FOXP2: variants seen among roughly 807,000 people sequenced by gnomAD.
FOXP2 encodes the protein forkhead box P2, also known as forkhead box protein P2.
A neutral mutation model predicts 115.8 loss-of-function variants in FOXP2; 12 were observed. The observed-to-expected ratio is 0.10, with a 90% CI of 0.07 to 0.17. The LOEUF is 0.17. Among genes scored for constraint, FOXP2 ranks in the 10% least tolerant of loss-of-function variants. The probability of loss-of-function intolerance (pLI) is 1.00; values close to 1 mark genes in which losing one functional copy is unlikely to be tolerated. For synonymous variants in FOXP2, 328 were observed against 297.7 expected (o/e 1.10, Z -1.05); for missense variants, 629 against 843.5 (o/e 0.75, Z 3.15).
chr7:114,631,782 C>T (rs1804937952), intron 6 of FOXP2, 77 bp downstream of exon 6: 5 of 1,494,218 alleles, frequency 3.3e-6, no homozygotes, highest in Non-Finnish European at 4.6e-6. Context: ...TGCCTTATAC[C>T]TTGAGAAATT....
chr7:114,361,943 CT>C (rs1304208633), intron 2 of FOXP2, among the ~76,000 whole-genome samples: 1 of 151,874 alleles, frequency 6.6e-6, no homozygotes, highest in Non-Finnish European at 1.5e-5. Flanking sequence ...CAAAGATTCG[CT>C]ATAGGAACAA....
At chr7:114,644,393 A>G (rs1358698140) in intron 7 of FOXP2, among the ~76,000 whole-genome samples, 1 of 152,206 alleles carries the variant, frequency 6.6e-6, no homozygotes, top group Non-Finnish European at 1.5e-5. Flanking sequence ...ATTTAGAGAT[A>G]AAATGTTACA....
intron 8 of FOXP2, among the ~76,000 whole-genome samples, chr7:114,651,116 G>A (rs1362822204): frequency 6.6e-6 from 1 of 151,878 alleles, no homozygotes; most frequent in African/African-American, 2.4e-5. Flanking sequence ...TATATTTGTT[G>A]AATTCAGTAT....
intron 2 of FOXP2, among the ~76,000 whole-genome samples, chr7:114,394,503 C>T (rs879061296): frequency 4.6e-5 from 7 of 151,584 alleles, no homozygotes; most frequent in African/African-American, 1.7e-4. Context: ...AAATAACTCC[C>T]AACAAAATGT....
At chr7:114,088,672 T>C (rs1162672939) in intron 1 of FOXP2, among the ~76,000 whole-genome samples, 2 of 152,258 alleles carry the variant, frequency 1.3e-5, no homozygotes, top group African/African-American at 4.8e-5. Flanking sequence ...GTTATTTTCA[T>C]CTTCAAGTTT....
At chr7:114,255,753 G>A (rs1196707097) in intron 1 of FOXP2, among the ~76,000 whole-genome samples, 1 of 152,100 alleles carries the variant, frequency 6.6e-6, no homozygotes, top group African/African-American at 2.4e-5. Context: ...GTGAGGCAAT[G>A]CCTCACCCTG....
In FOXP2 at chr7:114,628,660, G is replaced by T; in HGVS notation, c.379G>T (p.Ala127Ser). 19 of 1,614,008 alleles carry T rather than the reference G, an allele frequency of 1.2e-5. No individual in the cohort carries two copies. Among genetic ancestry groups the T allele is most frequent in the Non-Finnish European group, 1.4e-5 (17 of 1,179,972 alleles). ...ACAAGCCCTTCTCCAACAACAGCAG[G>T]CTGTCATGCTGCAGCAGGTAATGTG... ...QLQALLQQQQ[A>S]VMLQQQQLQE... Residue 127 changes from alanine (A) to serine (S), a missense_variant, in exon 4 of 17, where the codon GCT becomes TCT. By Grantham distance (99) the Ala-to-Ser change is moderately conservative. Transcript: ENST00000350908.
At chr7:114,286,813 A>G (rs1366567365) in intron 1 of FOXP2, among the ~76,000 whole-genome samples, 1 of 152,068 alleles carries the variant, frequency 6.6e-6, no homozygotes, top group Non-Finnish European at 1.5e-5. Context: ...GTACCCAAGG[A>G]AAGGAGTAAT....
At chr7:114,178,933 A>G (rs565528642) in intron 1 of FOXP2, among the ~76,000 whole-genome samples, 2 of 151,988 alleles carry the variant, frequency 1.3e-5, no homozygotes, top group East Asian at 3.9e-4. Flanking sequence ...TCTCCTCTCC[A>G]TAAACAAATG....
At chr7:114,251,093 G>C (rs907941182) in intron 1 of FOXP2, among the ~76,000 whole-genome samples, 6 of 152,294 alleles carry the variant, frequency 3.9e-5, no homozygotes, top group Admixed American at 1.3e-4. Context: ...ATTTGTCAAA[G>C]ATCAGTTGGT....
chr7:114,425,372 T>C (rs1054832447), intron 1 of FOXP2, among the ~76,000 whole-genome samples: 6 of 151,540 alleles, frequency 4.0e-5, no homozygotes, highest in African/African-American at 1.5e-4. Context: ...AACAGAGAAG[T>C]GCATCCATTA....
At chr7:114,362,663 T>C (rs1791781157) in intron 2 of FOXP2, among the ~76,000 whole-genome samples, 1 of 152,040 alleles carries the variant, frequency 6.6e-6, no homozygotes, top group East Asian at 1.9e-4. Flanking sequence ...AATAGAAGGT[T>C]TGTGAGCCTT....
intron 2 of FOXP2, among the ~76,000 whole-genome samples, chr7:114,291,468 A>C (rs138339620): frequency 3.1e-4 from 47 of 152,274 alleles, no homozygotes; most frequent in African/African-American, 1.1e-3. Context: ...AATGTGTATT[A>C]GTTTTCTATT....
Position 114,683,815 on chromosome 7 carries a change from A to G in FOXP2, c.2004-5967A>G, listed in dbSNP as rs1808218129. 2.0e-5 allele frequency among the ~76,000 whole-genome samples: 3 copies of G among 152,136 alleles called. No homozygotes were observed. In the South Asian group the frequency reaches 6.2e-4, roughly 32 times the overall value. ...GGATGATGTTTTGAGTCTGAAATGGAAGTTATTATTCAGAAATATTGTTGT... is the reference window on the plus strand; with the variant it reads ...GGATGATGTTTTGAGTCTGAAATGGGAGTTATTATTCAGAAATATTGTTGT... On this transcript the variant is annotated intron_variant, in intron 16 of 16. Coordinates refer to ENST00000350908, the MANE Select transcript of FOXP2 (RefSeq NM_014491.4).
chr7:114,184,821 T>C (rs1295906143), intron 1 of FOXP2, among the ~76,000 whole-genome samples: 1 of 152,220 alleles, frequency 6.6e-6, no homozygotes, highest in African/African-American at 2.4e-5. Flanking sequence ...CATACATTCA[T>C]ATAATTTCAT....
intron 1 of FOXP2, among the ~76,000 whole-genome samples, chr7:114,269,787 C>A (rs1355509046): frequency 6.6e-6 from 1 of 152,096 alleles, no homozygotes; most frequent in Non-Finnish European, 1.5e-5. Flanking sequence ...TTCCTCCACA[C>A]CCCACCCTCA....
At chr7:114,261,714 A>G (rs1158638904) in intron 1 of FOXP2, among the ~76,000 whole-genome samples, 1 of 152,214 alleles carries the variant, frequency 6.6e-6, no homozygotes, top group Admixed American at 6.5e-5. Context: ...ATGGTGTCTG[A>G]TGCATAATAA....
In FOXP2 at chr7:114,693,653, A is replaced by G. The variant is rs1343485634; in HGVS notation, c.*3727A>G. ...GGATGTACATTTTACTATAGAATTA[A>G]TGTATGAACAGTGTGTCACTGCTGT... On this transcript the variant is annotated 3_prime_UTR_variant, in exon 17 of 17. Transcript: ENST00000350908. 2.3e-6 allele frequency: 1 copy of G among 432,176 alleles called. No individual in the cohort carries two copies. Among genetic ancestry groups the G allele is most frequent in the African/African-American group, 2.0e-5 (1 of 49,244 alleles). The allele number at this position is 432,176 out of a possible 1,614,324, so 26.8% of individuals were successfully genotyped here.
At chr7:114,235,929 TTCTC>T (rs1027744810) in intron 1 of FOXP2, among the ~76,000 whole-genome samples, 2 of 152,206 alleles carry the variant, frequency 1.3e-5, no homozygotes, top group Middle Eastern at 3.2e-3. Flanking sequence ...TGGAAATAAT[TTCTC>T]TCTAAGTGCT....
Sources: allele counts gnomAD v4.1 joint callset (sites outside exome capture counted in the v4.1 genomes callset), GRCh38; gene constraint gnomAD v4.1.1; transcripts MANE v1.5; gene names NCBI Gene and HGNC (gene_info 2026-07-23, HGNC 2026-07-21).